The following MMGT1 variants were observed in gnomAD, a reference collection of about 807,000 sequenced individuals.
MMGT1 encodes the protein membrane magnesium transporter 1, also known as ER membrane protein complex subunit 5.
In MMGT1, 2 loss-of-function variants were observed where a neutral mutation model predicts 11.7. The observed-to-expected ratio is 0.17, with a 90% CI of 0.07 to 0.54. The LOEUF (loss-of-function observed/expected upper bound fraction) is 0.54, where lower values mean the gene tolerates loss of function less well. MMGT1 is among the 20% of genes least tolerant of loss of function. The pLI is 0.94. For missense variants in MMGT1, 74 were observed against 109.0 expected (o/e 0.68, Z 1.43); for synonymous variants, 49 against 44.4 (o/e 1.10, Z -0.41).
rs1359720107 is a variant in MMGT1, at chrX:135,962,964, A to C, written c.*2060T>G. 4 of 111,917 alleles carry C rather than the reference A, an allele frequency of 3.6e-5. No individual in the cohort carries two copies. The highest frequency in any genetic ancestry group is 1.3e-4 in the African/African-American group (4 of 30,774). 9.2% of individuals were successfully genotyped at this position (111,917 alleles called of 1,213,427 possible). A position where few individuals can be genotyped will look rare whatever the true frequency, so the allele number is the denominator to read the frequency against. On this transcript the variant is annotated 3_prime_UTR_variant, in exon 4 of 4. Coordinates refer to ENST00000305963, the MANE Select transcript of MMGT1 (RefSeq NM_173470.3). ...CCAACCACTCCCTTTCACAGCAATA[A>C]GAGTTCTCAAGATGAGAAGAATTTT...
At chrX:135,969,386 G>A in intron 2 of MMGT1, among the ~76,000 whole-genome samples, 1 of 111,522 alleles carries the variant, frequency 9.0e-6, no homozygotes, top group Non-Finnish European at 1.9e-5. Context: ...AGGTTGGAGT[G>A]CAGATCTCGA....
rs180911092 is a variant in MMGT1, at chrX:135,970,660, A to G, written c.132+398T>C. ...CGCGGTGGCTCACTCCTGTAATCCC[A>G]GCACTTTGGGAGGCCAAGGCAGGCG... is the stretch of plus-strand genomic sequence containing the variant. On this transcript the variant is annotated intron_variant, in intron 2 of 3. Coordinates refer to ENST00000305963, the MANE Select transcript of MMGT1 (RefSeq NM_173470.3). 8.6e-3 allele frequency among the ~76,000 whole-genome samples: 964 copies of G among 112,515 alleles called. 20 individuals carry two copies. The highest frequency in any genetic ancestry group is 0.052 in the South Asian group (144 of 2,755).
At chrX:135,967,516 T>C (rs2089192914) in intron 2 of MMGT1, 23 bp from the exon 3 acceptor site, 1 of 867,634 alleles carries the variant, frequency 1.2e-6, no homozygotes. Context: ...AGATTGATAA[T>C]ACTAAATAAC....
At position 135,973,744 on chromosome X, in the gene MMGT1, G is replaced by T. The variant is rs11537542; in HGVS notation, c.-69C>A. 4 of 1,166,480 alleles carry T rather than the reference G, an allele frequency of 3.4e-6. No homozygotes were observed. Among genetic ancestry groups the T allele is most frequent in the Admixed American group, 2.6e-5 (1 of 38,760 alleles). The stretch of plus-strand genomic sequence containing the variant: ...CGGAGCTGTTTCTTCTTCCACCGGC[G>T]GGTGTCCGCGCGCCGCAGAAAGATG... On this transcript the variant is annotated 5_prime_UTR_variant, in exon 1 of 4. Coordinates refer to ENST00000305963, the MANE Select transcript of MMGT1 (RefSeq NM_173470.3).
At position 135,973,800 on chromosome X, in the gene MMGT1, T is replaced by TC. The variant is rs1317365401; in HGVS notation, c.-126dup. The TC allele has an allele frequency of 8.6e-7, 1 of 1,160,922 alleles. No homozygotes were observed. The highest frequency in any genetic ancestry group is 1.8e-5 in the African/African-American group (1 of 54,472). On this transcript the variant is annotated 5_prime_UTR_variant, in exon 1 of 4. Coordinates refer to ENST00000305963, the MANE Select transcript of MMGT1 (RefSeq NM_173470.3). ...ACTGAAGTCCTGAGCGCAAAGTGTCTCAGTGGTGGAAAAGCCAGAGGGCTG... is the reference window on the plus strand; with the variant it reads ...ACTGAAGTCCTGAGCGCAAAGTGTCTCCAGTGGTGGAAAAGCCAGAGGGCTG...
Position 135,973,726 on chromosome X carries a change from G to A in MMGT1, c.-51C>T, listed in dbSNP as rs1432557549. The A allele has an allele frequency of 8.6e-7, 1 of 1,166,958 alleles. No individual in the cohort carries two copies. Among genetic ancestry groups the A allele is most frequent in the Non-Finnish European group, 1.1e-6 (1 of 872,929 alleles). ...AAAAGAAGCGAAGGACGGCGGAGCT[G>A]TTTCTTCTTCCACCGGCGGGTGTCC... On this transcript the variant is annotated 5_prime_UTR_variant, in exon 1 of 4. Transcript: ENST00000305963.
intron 2 of MMGT1, among the ~76,000 whole-genome samples, chrX:135,970,334 T>C (rs1019948779): frequency 9.1e-6 from 1 of 110,296 alleles, no homozygotes; most frequent in Non-Finnish European, 1.9e-5. Flanking sequence ...GTCACTGCAT[T>C]CCAGCCTGGG....
chrX:135,965,113 G>C lies in MMGT1; in HGVS notation c.307C>G (p.Pro103Ala). The change falls in exon 4 of 4, where the codon CCT becomes GCT. Residue 103 changes from proline (P) to alanine (A), a missense_variant. By Grantham distance (27) the Pro-to-Ala change is conservative. Coordinates refer to ENST00000305963, the MANE Select transcript of MMGT1 (RefSeq NM_173470.3). The stretch of plus-strand genomic sequence containing the variant: ...TTTGAAGAATTTGCTGTATCCGAAG[G>C]CCGGAAAAGTACTCGACCACGATGA... ...FNHRGRVLFR[P>A]SDTANSSNQD... is the part of the protein sequence containing the mutation. 8.3e-7 allele frequency: 1 copy of C among 1,206,201 alleles called. No individual in the cohort carries two copies.
rs2089237983 is a variant in MMGT1 at position 135,973,884 on chromosome X, G to A, written c.-209C>T. On this transcript the variant is annotated 5_prime_UTR_variant, in exon 1 of 4. Transcript: ENST00000305963. Reference sequence around the variant, plus strand: ...CAGAAAGCTACACGGAAAAAGGTCCGCGAGAACCCACGAACCTGCGCTATG... The same window carrying A: ...CAGAAAGCTACACGGAAAAAGGTCCACGAGAACCCACGAACCTGCGCTATG... 1.7e-6 allele frequency: 2 copies of A among 1,154,076 alleles called. No homozygotes were observed. The highest frequency in any genetic ancestry group is 2.3e-6 in the Non-Finnish European group (2 of 867,317).
chrX:135,972,305 C>A (rs2089224362), intron 1 of MMGT1, among the ~76,000 whole-genome samples: 1 of 112,639 alleles, frequency 8.9e-6, no homozygotes, highest in Admixed American at 9.4e-5. Context: ...TAATAACGTA[C>A]TTTGGACTAA....
chrX:135,960,702 ATAT>A lies in MMGT1; in HGVS notation c.*4319_*4321del, dbSNP rs1187021869. On this transcript the variant is annotated 3_prime_UTR_variant, in exon 4 of 4. Coordinates refer to ENST00000305963, the MANE Select transcript of MMGT1 (RefSeq NM_173470.3). ...AACTACATAAATAAAACTTAGGAAA[ATAT>A]TATTAAACATGACAATGGACCAATT... Among the ~76,000 whole-genome samples, 1 of 112,192 alleles carries A rather than the reference ATAT, an allele frequency of 8.9e-6. No homozygotes were observed. The highest frequency in any genetic ancestry group is 1.9e-5 in the Non-Finnish European group (1 of 53,207).
chrX:135,967,921 A>C (rs990392182), intron 2 of MMGT1, among the ~76,000 whole-genome samples: 11 of 110,903 alleles, frequency 9.9e-5, no homozygotes, highest in Non-Finnish European at 2.1e-4. Flanking sequence ...GCAATGGTGC[A>C]ATCTCGGCTC....
At chrX:135,970,515 A>G (rs1370182747) in intron 2 of MMGT1, among the ~76,000 whole-genome samples, 1 of 112,592 alleles carries the variant, frequency 8.9e-6, no homozygotes, top group East Asian at 2.8e-4. Flanking sequence ...TCCATCCCAT[A>G]CTATGGACAG....
chrX:135,968,594 C>T (rs1350716022), intron 2 of MMGT1, among the ~76,000 whole-genome samples: 1 of 105,921 alleles, frequency 9.4e-6, no homozygotes. Context: ...TGCAGTGGTG[C>T]AATCTCGGCT....
In MMGT1 at chrX:135,965,068, T is replaced by G. The variant is rs782126791; in HGVS notation, c.352A>C (p.Asn118His). Residue 118 changes from asparagine (N) to histidine (H), a missense_variant, in exon 4 of 4, where the codon AAC becomes CAC. By Grantham distance (68) the Asn-to-His change is moderately conservative. Coordinates refer to ENST00000305963, the MANE Select transcript of MMGT1 (RefSeq NM_173470.3). ...AGTTTTCGTAACTTCAATGATGTGT[T>G]AGAGGACAATGCATCTTGGTTTGAA... is the stretch of plus-strand genomic sequence containing the variant. ...NSSNQDALSS[N>H]TSLKLRKLES... The G allele has an allele frequency of 5.0e-6, 6 of 1,208,115 alleles. No homozygotes were observed. In the East Asian group the frequency reaches 1.8e-4, roughly 36 times the overall value.
At chrX:135,969,907 C>G (rs1036533121) in intron 2 of MMGT1, among the ~76,000 whole-genome samples, 1 of 111,303 alleles carries the variant, frequency 9.0e-6, no homozygotes, top group African/African-American at 3.3e-5. Context: ...TGCCAAGGAA[C>G]GGGGCCAGTT....
rs182059243 is a variant in MMGT1 at position 135,967,334 on chromosome X, T to C, written c.236+56A>G. ...TCAGAAAACATACTTTTTAAAATTA[T>C]GTGAATACAGCAAACCTCTATGAAA... On this transcript the variant is annotated intron_variant, in intron 3 of 3. Transcript: ENST00000305963. 2.7e-5 allele frequency: 20 copies of C among 752,336 alleles called. No homozygotes were observed. The East Asian group carries it at 6.6e-4, about 25-fold the overall frequency. 62.0% of individuals were successfully genotyped at this position (752,336 alleles called of 1,213,427 possible). A position where few individuals can be genotyped will look rare whatever the true frequency, so the allele number is the denominator to read the frequency against.
intron 2 of MMGT1, among the ~76,000 whole-genome samples, chrX:135,970,770 ATGG>A (rs2089214252): frequency 9.0e-6 from 1 of 110,590 alleles, no homozygotes; most frequent in Admixed American, 9.5e-5. Context: ...TTAGCCGGGC[ATGG>A]TGGTGGGCAC....
In MMGT1 at chrX:135,961,386, A is replaced by C. The variant is rs1228424388; in HGVS notation, c.*3638T>G. Reference sequence around the variant, plus strand: ...TTTTTAAAGTACAAATTTGCTGATAAAAAATAAAAAATTGTTTTCCTGTGA... The same window carrying C: ...TTTTTAAAGTACAAATTTGCTGATACAAAATAAAAAATTGTTTTCCTGTGA... On this transcript the variant is annotated 3_prime_UTR_variant, in exon 4 of 4. Transcript: ENST00000305963. Among the ~76,000 whole-genome samples, 1 of 111,893 alleles carries C rather than the reference A, an allele frequency of 8.9e-6. No individual in the cohort carries two copies. Among genetic ancestry groups the C allele is most frequent in the Non-Finnish European group, 1.9e-5 (1 of 53,165 alleles).
Sources: allele counts gnomAD v4.1 joint callset (sites outside exome capture counted in the v4.1 genomes callset), GRCh38; gene constraint gnomAD v4.1.1; transcripts MANE v1.5; gene names NCBI Gene and HGNC (gene_info 2026-07-23, HGNC 2026-07-21).